Variants in WLS observed in about 807,000 individuals in gnomAD.
The protein encoded by WLS is protein wntless homolog.
A neutral mutation model predicts 62.8 loss-of-function variants in WLS; 23 were observed. The ratio of observed to expected loss-of-function variants is 0.37; its 90% confidence interval spans 0.26 to 0.52. The LOEUF (loss-of-function observed/expected upper bound fraction) is 0.52, where lower values mean the gene tolerates loss of function less well. Ranked by LOEUF, WLS falls within the 20% of genes least tolerant of loss-of-function variation. The probability of loss-of-function intolerance (pLI) is 0.92; values close to 1 mark genes in which losing one functional copy is unlikely to be tolerated. For synonymous variants in WLS, 246 were observed against 244.1 expected, an observed-to-expected ratio of 1.01 and a Z score of -0.07; for missense variants, 615 against 697.3, an observed-to-expected ratio of 0.88 and a Z score of 1.33.
intron 2 of WLS, chr1:68,186,622 A>C (rs1647959162): frequency 2.2e-6 from 1 of 456,248 alleles, no homozygotes; most frequent in South Asian, 1.5e-5. Flanking sequence ...CCACACTCCC[A>C]AACTCTTCTC....
At chr1:68,176,158 C>T (rs1054273542) in intron 2 of WLS, among the ~76,000 whole-genome samples, 4 of 152,168 alleles carry the variant, frequency 2.6e-5, no homozygotes, top group Non-Finnish European at 5.9e-5. Context: ...TGAGAGGCAA[C>T]ATTTAATTGT....
At chr1:68,228,226 A>G in intron 1 of WLS, 3 of 442,840 alleles carry the variant, frequency 6.8e-6, no homozygotes, top group South Asian at 4.9e-5. Flanking sequence ...CTTACAGTTT[A>G]TGTTTGGAAT....
At chr1:68,122,890 C>T (rs1297601474), downstream of WLS, among the ~76,000 whole-genome samples, 2 of 152,210 alleles carry the variant, frequency 1.3e-5, no homozygotes, top group African/African-American at 4.8e-5. Context: ...CTCTGGACCT[C>T]AAGTTTCTCC....
intron 2 of WLS, among the ~76,000 whole-genome samples, chr1:68,170,160 C>CTTTTTTTCTTTTTTTTTT (rs1553131191): frequency 4.6e-5 from 4 of 86,782 alleles, no homozygotes; most frequent in East Asian, 3.6e-4. Flanking sequence ...GCTACTATTT[C>CTTTTTTTCTTTTTTTTTT]TTTTTTTTTT....
chr1:68,166,779 C>A (rs1232003404), intron 2 of WLS, among the ~76,000 whole-genome samples: 5 of 152,166 alleles, frequency 3.3e-5, no homozygotes, highest in African/African-American at 1.2e-4. Flanking sequence ...CGTCTCTTCA[C>A]GTTACCATCT....
chr1:68,138,646 G>A (rs1646646128), intron 10 of WLS, among the ~76,000 whole-genome samples: 2 of 152,124 alleles, frequency 1.3e-5, no homozygotes, highest in African/African-American at 2.4e-5. Flanking sequence ...GCTTTTGTCT[G>A]TGTTAATGAT....
intron 2 of WLS, among the ~76,000 whole-genome samples, chr1:68,175,350 G>A (rs1312242768): frequency 1.3e-5 from 2 of 152,190 alleles, no homozygotes; most frequent in Non-Finnish European, 2.9e-5. Context: ...ATGTGAGAGG[G>A]AGGCAAAATG....
At chr1:68,121,550 C>T (rs530198121), downstream of WLS, among the ~76,000 whole-genome samples, 7 of 152,270 alleles carry the variant, frequency 4.6e-5, no homozygotes, top group South Asian at 2.1e-4. Flanking sequence ...AAGTTATCCC[C>T]ATGCAACAAA....
intron 2 of WLS, among the ~76,000 whole-genome samples, chr1:68,192,787 AC>A (rs1176707339): frequency 0.014 from 2,001 of 142,786 alleles, 49 homozygotes; most frequent in African/African-American, 0.05. Context: ...AAAAAAAAAA[AC>A]AGAAGAAGAA....
chr1:68,181,220 C>T (rs1017178341), intron 2 of WLS, among the ~76,000 whole-genome samples: 7 of 152,110 alleles, frequency 4.6e-5, no homozygotes, highest in Non-Finnish European at 1.5e-5. Context: ...TACTGAAAGA[C>T]CCAAAGTTAG....
intron 2 of WLS, among the ~76,000 whole-genome samples, chr1:68,178,705 C>CAAAA (rs376126398): frequency 9.2e-5 from 10 of 108,230 alleles, no homozygotes; most frequent in Admixed American, 2.0e-4. Context: ...GACTACATTT[C>CAAAA]AAAAAAAAAA....
At position 68,132,996 on chromosome 1, in the gene WLS, T is replaced by A. The variant is rs556427228; in HGVS notation, c.1516+4784A>T. On this transcript the variant is annotated intron_variant, in intron 11 of 11. Coordinates refer to ENST00000262348, the MANE Select transcript of WLS (RefSeq NM_024911.7). ...TGCCTGGGAAGACATCCAGAATGAT[T>A]CACAAATTGGTTATGGCAACAGGTA... Among the ~76,000 whole-genome samples, 7 of 152,046 alleles carry A rather than the reference T, an allele frequency of 4.6e-5. No individual in the cohort carries two copies. In the East Asian group the frequency reaches 1.4e-3, roughly 29 times the overall value.
At chr1:68,186,553 T>C (rs1437883162) in intron 2 of WLS, 4 of 453,118 alleles carry the variant, frequency 8.8e-6, no homozygotes, top group Non-Finnish European at 1.8e-5. Context: ...TGAAGTAATA[T>C]TGTTACAGGT....
chr1:68,218,576 C>A (rs571062391), intron 1 of WLS, among the ~76,000 whole-genome samples: 2 of 152,218 alleles, frequency 1.3e-5, no homozygotes. Context: ...TTGCCAGGCA[C>A]TGCCGTTTTG....
intron 1 of WLS, among the ~76,000 whole-genome samples, chr1:68,210,858 A>G (rs1649487340): frequency 6.6e-6 from 1 of 152,130 alleles, no homozygotes; most frequent in East Asian, 1.9e-4. Flanking sequence ...CTCTGTTCTG[A>G]ATAGATGATC....
At chr1:68,109,487 TATA>T (rs1031475100) in intron 11 of WLS, among the ~76,000 whole-genome samples, 17 of 152,232 alleles carry the variant, frequency 1.1e-4, no homozygotes, top group Admixed American at 2.0e-4. Context: ...ATTTGAAATG[TATA>T]ATAATTACAA....
At chr1:68,164,544 C>A (rs1647034175) in intron 2 of WLS, among the ~76,000 whole-genome samples, 1 of 149,698 alleles carries the variant, frequency 6.7e-6, no homozygotes, top group African/African-American at 2.6e-5. Flanking sequence ...AGGCGTGAAC[C>A]ACTGTGCCTG....
chr1:68,162,441 G>C, intron 2 of WLS: 1 of 1,613,850 alleles, frequency 6.2e-7, no homozygotes, highest in Admixed American at 1.7e-5. Context: ...GGGATCGCTC[G>C]ATCCCATCCT....
At chr1:68,123,995 G>A (rs1646394316), downstream of WLS, among the ~76,000 whole-genome samples, 1 of 151,024 alleles carries the variant, frequency 6.6e-6, no homozygotes, top group Admixed American at 6.6e-5. Flanking sequence ...AAAACTTTAA[G>A]TAGTGAATCC....
Sources: gnomAD v4.1 joint callset for allele counts (sites outside exome capture counted in the v4.1 genomes callset) on GRCh38, gnomAD v4.1.1 for gene constraint, MANE v1.5 for transcripts, NCBI Gene and HGNC (gene_info 2026-07-23, HGNC 2026-07-21) for gene names.